POF1B: variants seen among roughly 807,000 people sequenced by gnomAD.
POF1B encodes POF1B actin binding protein, also known as protein POF1B.
Under a neutral mutation model 55.3 loss-of-function variants are expected in POF1B, and 53 were observed. The ratio of observed to expected loss-of-function variants is 0.96; its 90% CI spans 0.77 to 1.20. The LOEUF is 1.20. POF1B is among the 50% of genes most tolerant of loss of function. POF1B has a pLI of 0.00. For synonymous variants in POF1B, 188 were observed against 148.3 expected, an observed-to-expected ratio of 1.27 and a Z score of -1.95; for missense variants, 478 against 420.5, an observed-to-expected ratio of 1.14 and a Z score of -1.20.
intron 4 of POF1B, among the ~76,000 whole-genome samples, chrX:85,352,266 T>C (rs1461078333): frequency 9.0e-6 from 1 of 111,321 alleles, no homozygotes; most frequent in Non-Finnish European, 1.9e-5. Flanking sequence ...GATCTGGAGT[T>C]GTTTTGTTTG....
At chrX:85,286,740 A>T (rs1044910396) in intron 15 of POF1B, among the ~76,000 whole-genome samples, 1 of 111,619 alleles carries the variant, frequency 9.0e-6, no homozygotes, top group African/African-American at 3.2e-5. Flanking sequence ...CAATTCATCA[A>T]CAAAATGTAG....
In POF1B at chrX:85,302,803, T is replaced by C. The variant is rs187819156; in HGVS notation, c.1649+603A>G. ...TGCATCCTGCAAACATTATGCAAAA[T>C]GAAAAATCCAGACACAAAAGACTAT... is the stretch of plus-strand genomic sequence containing the variant. On this transcript the variant is annotated intron_variant, in intron 15 of 16. Transcript: ENST00000262753. Among the ~76,000 whole-genome samples the C allele has an allele frequency of 3.6e-5, 4 of 112,117 alleles. No individual in the cohort carries two copies. In the East Asian group the frequency reaches 8.4e-4, roughly 24 times the overall value.
At chrX:85,359,474 T>C (rs1401491635) in intron 4 of POF1B, 76 bp downstream of exon 4, 2 of 708,151 alleles carry the variant, frequency 2.8e-6, no homozygotes, top group Non-Finnish European at 4.4e-6. Context: ...CTTAAGGATC[T>C]GGTAACTGAT....
intron 7 of POF1B, among the ~76,000 whole-genome samples, chrX:85,328,351 C>T (rs1932924459): frequency 9.2e-6 from 1 of 109,069 alleles, no homozygotes; most frequent in African/African-American, 3.3e-5. Flanking sequence ...ACTACAGGCG[C>T]CCGCCACTAG....
chrX:85,306,713 C>G (rs1932583414), intron 11 of POF1B, among the ~76,000 whole-genome samples: 1 of 111,346 alleles, frequency 9.0e-6, no homozygotes, highest in Admixed American at 9.6e-5. Flanking sequence ...GAGTAAAGAT[C>G]AGGAAGAGGG....
In POF1B at chrX:85,360,527, G is replaced by GTATGTATA. The variant is rs1392775604; in HGVS notation, c.358-898_358-897insTATACATA. Among the ~76,000 whole-genome samples, 252 of 58,470 alleles carry GTATGTATA rather than the reference G, an allele frequency of 4.3e-3. 9 individuals are homozygous for GTATGTATA. Among genetic ancestry groups the GTATGTATA allele is most frequent in the African/African-American group, 0.025 (240 of 9,542 alleles). 50.8% of individuals were successfully genotyped at this position (58,470 alleles called of 115,157 possible). On this transcript the variant is annotated intron_variant, in intron 3 of 16. Coordinates refer to ENST00000262753, the MANE Select transcript of POF1B (RefSeq NM_024921.4). The stretch of plus-strand genomic sequence containing the variant: ...ATGGCTGCCTAGTATTCCATGGTAT[G>GTATGTATA]TATATATATATATATATATATATAT...
chrX:85,303,803 G>T (rs1484420468), intron 14 of POF1B, among the ~76,000 whole-genome samples: 2 of 111,368 alleles, frequency 1.8e-5, no homozygotes, highest in Non-Finnish European at 3.8e-5. Flanking sequence ...GCTCTGAAAA[G>T]CCTGAAAAGT....
chrX:85,367,000 C>T (rs1218810429), intron 3 of POF1B, among the ~76,000 whole-genome samples: 2 of 111,250 alleles, frequency 1.8e-5, no homozygotes, highest in Non-Finnish European at 3.8e-5. Context: ...ATCCTGACCC[C>T]GCATCTGGGT....
intron 2 of POF1B, among the ~76,000 whole-genome samples, chrX:85,376,382 A>G (rs1293043684): frequency 9.0e-6 from 1 of 111,705 alleles, no homozygotes; most frequent in Non-Finnish European, 1.9e-5. Context: ...TTTTTGTTTT[A>G]CTTTAAGCTT....
intron 7 of POF1B, among the ~76,000 whole-genome samples, chrX:85,324,698 G>A (rs751911467): frequency 9.0e-6 from 1 of 110,769 alleles, no homozygotes; most frequent in African/African-American, 3.3e-5. Flanking sequence ...GGGGCATTTA[G>A]CTCATTTGTA....
chrX:85,318,222 A>C, intron 7 of POF1B, among the ~76,000 whole-genome samples: 1 of 111,903 alleles, frequency 8.9e-6, no homozygotes. Context: ...CGAACTTTAA[A>C]AAAATGTTTA....
intron 7 of POF1B, among the ~76,000 whole-genome samples, chrX:85,326,515 T>C (rs1055932665): frequency 2.5e-4 from 27 of 109,362 alleles, no homozygotes; most frequent in African/African-American, 8.3e-4. Context: ...AGACTAGTGG[T>C]CTCTGAGCCG....
intron 2 of POF1B, among the ~76,000 whole-genome samples, chrX:85,373,832 G>T (rs771668225): frequency 3.6e-5 from 4 of 111,464 alleles, no homozygotes; most frequent in Non-Finnish European, 7.5e-5. Flanking sequence ...AGGGTGTCTA[G>T]ATTGGTGAGG....
intron 9 of POF1B, among the ~76,000 whole-genome samples, chrX:85,312,549 C>T (rs906832327): frequency 3.6e-5 from 4 of 111,349 alleles, no homozygotes; most frequent in Non-Finnish European, 7.5e-5. Context: ...TGTTTTGGTA[C>T]CGGTACCATG....
At chrX:85,288,957 T>C (rs1463014107) in intron 15 of POF1B, among the ~76,000 whole-genome samples, 2 of 111,748 alleles carry the variant, frequency 1.8e-5, no homozygotes, top group African/African-American at 6.5e-5. Context: ...GGGACTGACT[T>C]CATTTGAAAC....
chrX:85,367,569 A>G, intron 3 of POF1B, 123 bp downstream of exon 3: 1 of 469,859 alleles, frequency 2.1e-6, no homozygotes, highest in South Asian at 3.3e-5. Context: ...TTCATATTTT[A>G]TGATCCTCAC....
At chrX:85,301,161 A>G (rs1932440845) in intron 15 of POF1B, among the ~76,000 whole-genome samples, 1 of 111,838 alleles carries the variant, frequency 8.9e-6, no homozygotes, top group African/African-American at 3.3e-5. Flanking sequence ...AAGCTCAGCA[A>G]ATGCCAAATA....
intron 15 of POF1B, among the ~76,000 whole-genome samples, chrX:85,288,795 C>T (rs1276655591): frequency 1.8e-5 from 2 of 111,435 alleles, no homozygotes; most frequent in Non-Finnish European, 3.8e-5. Context: ...TCACCTCCCG[C>T]CATAATTCTG....
rs927960614 is a variant in POF1B, at chrX:85,278,320, G to A, written c.*1101C>T. On this transcript the variant is annotated 3_prime_UTR_variant, in exon 17 of 17. Transcript: ENST00000262753. ...AACTTCAAATTACACACCCAAATAT[G>A]TTTGTTGCCTTAATCTATACTTGGA... The A allele has an allele frequency of 6.3e-5, 7 of 110,819 alleles. No individual in the cohort carries two copies. The highest frequency in any genetic ancestry group is 1.3e-4 in the African/African-American group (4 of 30,682). 9.1% of individuals were successfully genotyped at this position (110,819 alleles called of 1,213,427 possible).
Sources: allele counts gnomAD v4.1 joint callset (sites outside exome capture counted in the v4.1 genomes callset), GRCh38; gene constraint gnomAD v4.1.1; transcripts MANE v1.5; gene names NCBI Gene and HGNC (gene_info 2026-07-23, HGNC 2026-07-21).